Variants in BAIAP2 observed in about 807,000 individuals in gnomAD.
The protein encoded by BAIAP2 is BAR/IMD domain containing adaptor protein 2.
Under a neutral mutation model 63.0 loss-of-function variants are expected in BAIAP2, and 18 were observed. The observed-to-expected ratio is 0.29, with a 90% CI of 0.20 to 0.42. BAIAP2 has a LOEUF of 0.42. Ranked by LOEUF, BAIAP2 falls within the 10% of genes least tolerant of loss-of-function variation. The pLI, the probability that BAIAP2 is intolerant of heterozygous loss-of-function variation, is 1.00. For missense variants in BAIAP2, 610 were observed against 734.3 expected (o/e 0.83, Z 1.96); for synonymous variants, 386 against 307.6 (o/e 1.25, Z -2.67).
chr17:81,068,633 C>T lies in BAIAP2; in HGVS notation c.217+10666C>T, dbSNP rs1201931425. Among the ~76,000 whole-genome samples, 16 of 152,332 alleles carry T rather than the reference C, an allele frequency of 1.1e-4. 1 individual carries two copies. In the East Asian group the frequency reaches 1.9e-3, roughly 18 times the overall value. ...CACTGGAGCCCGTCTCAGGTGGCTC[C>T]GCTCTTGTGTCCCCTGTCCCCGCTT... On this transcript the variant is annotated intron_variant, in intron 3 of 13. Transcript: ENST00000428708.
intron 13 of BAIAP2, chr17:81,109,058 G>C: frequency 6.6e-7 from 1 of 1,516,100 alleles, no homozygotes; most frequent in Admixed American, 2.1e-5. Flanking sequence ...CCCTGGTCTC[G>C]TCCGTTTTCC....
intron 13 of BAIAP2, among the ~76,000 whole-genome samples, chr17:81,111,599 G>A (rs1024913806): frequency 3.3e-5 from 5 of 152,238 alleles, no homozygotes; most frequent in Admixed American, 2.0e-4. Context: ...TTGAGCTGAC[G>A]CTCACTCCGG....
chr17:81,051,912 A>G (rs535184617), intron 1 of BAIAP2, among the ~76,000 whole-genome samples: 1 of 152,146 alleles, frequency 6.6e-6, no homozygotes, highest in Admixed American at 6.5e-5. Flanking sequence ...CCGGTCTTGA[A>G]CGCTTGGGCT....
chr17:81,070,741 C>A lies in BAIAP2; in HGVS notation c.217+12774C>A, dbSNP rs1326206279. On this transcript the variant is annotated intron_variant, in intron 3 of 13. Coordinates refer to ENST00000428708, the MANE Select transcript of BAIAP2 (RefSeq NM_001144888.2). ...CCCTCTGCAGCCTCCACTCCAGCCA[C>A]CCCGGGTGGATGGCCGCTGACCCGG... is the stretch of plus-strand genomic sequence containing the variant. Among the ~76,000 whole-genome samples the A allele has an allele frequency of 2.6e-5, 4 of 152,308 alleles. No homozygotes were observed. The East Asian group carries it at 7.7e-4, about 29-fold the overall frequency.
chr17:81,069,823 G>GC (rs2052245564), intron 3 of BAIAP2, among the ~76,000 whole-genome samples: 2 of 152,214 alleles, frequency 1.3e-5, no homozygotes, highest in Admixed American at 6.5e-5. Flanking sequence ...TGGGAGCCAT[G>GC]CCCAGGGCAC....
intron 6 of BAIAP2, among the ~76,000 whole-genome samples, chr17:81,098,513 A>G (rs1053827665): frequency 2.0e-5 from 3 of 152,086 alleles, no homozygotes; most frequent in African/African-American, 2.4e-5. Context: ...GCATTAGCGC[A>G]TTCATGGGGT....
chr17:81,042,467 C>T lies in BAIAP2; in HGVS notation c.54+7159C>T, dbSNP rs1295052335. Among the ~76,000 whole-genome samples the T allele has an allele frequency of 2.6e-5, 4 of 152,210 alleles. No individual in the cohort carries two copies. The East Asian group carries it at 5.8e-4, about 22-fold the overall frequency. ...AAACGCACCCTGGTGCTTTCTTGAT[C>T]AGCAGGTTTTCAGACAACGGCCAGG... On this transcript the variant is annotated intron_variant, in intron 1 of 13. Coordinates refer to ENST00000428708, the MANE Select transcript of BAIAP2 (RefSeq NM_001144888.2).
intron 1 of BAIAP2, among the ~76,000 whole-genome samples, chr17:81,042,312 A>AT (rs11411878): frequency 0.61 from 90,666 of 148,134 alleles, 28,484 homozygotes; most frequent in Non-Finnish European, 0.72. Flanking sequence ...TGCCTGGCTA[A>AT]TTTTTTTTTT....
At chr17:81,087,594 G>C (rs978852437) in intron 6 of BAIAP2, 1 of 152,308 alleles carries the variant, frequency 6.6e-6, no homozygotes, top group African/African-American at 2.4e-5. Flanking sequence ...TGGTGGAGCT[G>C]GATCGGCCCC....
At chr17:81,037,363 G>A (rs957029614) in intron 1 of BAIAP2, among the ~76,000 whole-genome samples, 5 of 152,374 alleles carry the variant, frequency 3.3e-5, no homozygotes, top group Admixed American at 6.5e-5. Context: ...GCACACAGGC[G>A]GGGTTGGTTT....
At chr17:81,088,397 A>G (rs955405994) in intron 6 of BAIAP2, among the ~76,000 whole-genome samples, 4 of 152,200 alleles carry the variant, frequency 2.6e-5, no homozygotes, top group Non-Finnish European at 5.9e-5. Flanking sequence ...TTTGAGATAT[A>G]ATTCACATCA....
chr17:81,057,976 C>CCT lies in BAIAP2; in HGVS notation c.217+10_217+11insTC. 5.5e-6 allele frequency: 1 copy of CCT among 183,452 alleles called. No individual in the cohort carries two copies. Among genetic ancestry groups the CCT allele is most frequent in the Non-Finnish European group, 7.8e-6 (1 of 128,260 alleles). The allele number at this position is 183,452 out of a possible 1,614,324, so 11.4% of individuals were successfully genotyped here. A position where few individuals can be genotyped will look rare whatever the true frequency, so the allele number is the denominator to read the frequency against. ...GGGCTCCAAAGAACTCGGTGAGACC[C>CCT]CCCCCCCCCCCCCGCCTGGTAGTCG... On this transcript the variant is annotated intron_variant, in intron 3 of 13. Transcript: ENST00000428708.
chr17:81,098,761 T>A (rs560049040), intron 6 of BAIAP2, among the ~76,000 whole-genome samples: 1 of 152,096 alleles, frequency 6.6e-6, no homozygotes. Context: ...GGCCAAGACG[T>A]GACAGCCGCC....
At chr17:81,041,247 T>C (rs916723813) in intron 1 of BAIAP2, among the ~76,000 whole-genome samples, 14 of 152,220 alleles carry the variant, frequency 9.2e-5, no homozygotes, top group African/African-American at 3.4e-4. Context: ...CAAATCTTGC[T>C]CCCTGGGCAG....
intron 3 of BAIAP2, among the ~76,000 whole-genome samples, chr17:81,061,090 C>T (rs1311781495): frequency 6.6e-6 from 1 of 152,194 alleles, no homozygotes; most frequent in Admixed American, 6.5e-5. Context: ...TGCCATTGCG[C>T]TCCAGCCTGG....
At chr17:81,060,222 A>G (rs1212612498) in intron 3 of BAIAP2, among the ~76,000 whole-genome samples, 1 of 152,190 alleles carries the variant, frequency 6.6e-6, no homozygotes, top group Non-Finnish European at 1.5e-5. Flanking sequence ...ATTAGAGTGT[A>G]CAGTTCTGTG....
intron 7 of BAIAP2, among the ~76,000 whole-genome samples, chr17:81,101,607 C>A (rs1598787795): frequency 6.6e-6 from 1 of 151,716 alleles, no homozygotes; most frequent in Admixed American, 6.6e-5. Flanking sequence ...CCCCCACCCA[C>A]CACACTCTCA....
At chr17:81,049,187 G>A (rs2048290220) in intron 1 of BAIAP2, among the ~76,000 whole-genome samples, 1 of 152,252 alleles carries the variant, frequency 6.6e-6, no homozygotes, top group Non-Finnish European at 1.5e-5. Flanking sequence ...AGTTTGAGGA[G>A]TGTGGTGGTT....
intron 1 of BAIAP2, chr17:81,037,070 C>T (rs1457541505): frequency 4.3e-6 from 4 of 920,806 alleles, no homozygotes; most frequent in Non-Finnish European, 6.6e-6. Flanking sequence ...TGTAATTTAT[C>T]TGCAGGTCTA....
Sources: allele counts gnomAD v4.1 joint callset (sites outside exome capture counted in the v4.1 genomes callset), GRCh38; gene constraint gnomAD v4.1.1; transcripts MANE v1.5; gene names NCBI Gene and HGNC (gene_info 2026-07-23, HGNC 2026-07-21).